The following CYP7B1 variants were observed in gnomAD, a reference collection of about 807,000 sequenced individuals.
CYP7B1 encodes cytochrome P450 7B1.
A neutral mutation model predicts 42.7 loss-of-function variants in CYP7B1; 29 were observed. That is an observed-to-expected ratio of 0.68 (90% CI 0.51 to 0.93). The LOEUF is 0.93. Among genes scored for constraint, CYP7B1 ranks in the 40% least tolerant of loss-of-function variants. The probability of loss-of-function intolerance (pLI) is 0.00; values close to 1 mark genes in which losing one functional copy is unlikely to be tolerated. For synonymous variants in CYP7B1, 235 were observed against 218.2 expected, an observed-to-expected ratio of 1.08 and a Z score of -0.68; for missense variants, 655 against 600.5, an observed-to-expected ratio of 1.09 and a Z score of -0.95.
chr8:64,690,300 G>A (rs1478185529), intron 1 of CYP7B1, among the ~76,000 whole-genome samples: 2 of 152,184 alleles, frequency 1.3e-5, no homozygotes, highest in African/African-American at 4.8e-5. Context: ...CTACTCAGGA[G>A]GATGAAGTAG....
intron 1 of CYP7B1, chr8:64,734,558 T>C (rs1317129481): frequency 6.6e-6 from 1 of 152,206 alleles, no homozygotes; most frequent in Non-Finnish European, 1.5e-5. Context: ...CACCTCCCAA[T>C]GGCCACACCA....
intron 1 of CYP7B1, among the ~76,000 whole-genome samples, chr8:64,715,180 C>T (rs1807136246): frequency 6.6e-6 from 1 of 152,198 alleles, no homozygotes; most frequent in Non-Finnish European, 1.5e-5. Flanking sequence ...AAGTGGGCAT[C>T]TTACTACGTA....
chr8:64,674,697 G>A (rs1009843654), intron 1 of CYP7B1, among the ~76,000 whole-genome samples: 15 of 151,986 alleles, frequency 9.9e-5, no homozygotes, highest in African/African-American at 3.6e-4. Context: ...GAGTCTTTCA[G>A]GGGCACCTAG....
intron 1 of CYP7B1, among the ~76,000 whole-genome samples, chr8:64,793,359 A>G (rs1804652047): frequency 6.6e-6 from 1 of 152,094 alleles, no homozygotes; most frequent in African/African-American, 2.4e-5. Flanking sequence ...ATTTATTTTA[A>G]TTGTTTCAGA....
chr8:64,768,121 G>A (rs763013274), intron 1 of CYP7B1, among the ~76,000 whole-genome samples: 6 of 152,120 alleles, frequency 3.9e-5, no homozygotes, highest in African/African-American at 1.2e-4. Context: ...CTTTAAACAC[G>A]GGGCTTGTAA....
chr8:64,604,983 A>C, intron 4 of CYP7B1, 126 bp from the exon 5 acceptor site: 1 of 1,124,848 alleles, frequency 8.9e-7, no homozygotes. Context: ...CATCACATAC[A>C]TTGAGCACCA....
chr8:64,717,265 T>C (rs1475690723), intron 1 of CYP7B1, among the ~76,000 whole-genome samples: 1 of 152,204 alleles, frequency 6.6e-6, no homozygotes, highest in Non-Finnish European at 1.5e-5. Context: ...ATTTTTTAAC[T>C]GCAGAGGGAA....
intron 1 of CYP7B1, among the ~76,000 whole-genome samples, chr8:64,735,662 G>A (rs374318575): frequency 1.4e-4 from 21 of 152,142 alleles, no homozygotes; most frequent in East Asian, 1.2e-3. Flanking sequence ...CTTTTGTTAC[G>A]GGGAAGGGGG....
chr8:64,746,389 A>T (rs1285123936), intron 1 of CYP7B1, among the ~76,000 whole-genome samples: 1 of 152,182 alleles, frequency 6.6e-6, no homozygotes, highest in Non-Finnish European at 1.5e-5. Flanking sequence ...TTGCAATGAG[A>T]ATAACGCAAG....
Position 64,621,804 on chromosome 8 carries a change from C to T in CYP7B1, c.259+2599G>A, listed in dbSNP as rs575106828. ...AGGCTGGAGTGCAGTGGTACGATCT[C>T]GGCTCACTGCAACCTCCGCCTCCCG... is the stretch of plus-strand genomic sequence containing the variant. On this transcript the variant is annotated intron_variant, in intron 2 of 5. Coordinates refer to ENST00000310193, the MANE Select transcript of CYP7B1 (RefSeq NM_004820.5). Among the ~76,000 whole-genome samples, 12 of 147,170 alleles carry T rather than the reference C, an allele frequency of 8.2e-5. No homozygotes were observed. The East Asian group carries it at 1.0e-3, about 12-fold the overall frequency.
chr8:64,654,567 A>C (rs765074219), intron 1 of CYP7B1, among the ~76,000 whole-genome samples: 2 of 152,222 alleles, frequency 1.3e-5, no homozygotes, highest in African/African-American at 4.8e-5. Context: ...GAATAGGAAG[A>C]ATCAATTTTA....
intron 1 of CYP7B1, among the ~76,000 whole-genome samples, chr8:64,752,833 T>A (rs549835545): frequency 9.2e-5 from 14 of 152,316 alleles, no homozygotes; most frequent in Admixed American, 2.0e-4. Flanking sequence ...TTCTGCACTT[T>A]AATGGCAGCC....
At chr8:64,721,663 C>T (rs4327887) in intron 1 of CYP7B1, among the ~76,000 whole-genome samples, 6,042 of 152,146 alleles carry the variant, frequency 0.04, 398 homozygotes, top group African/African-American at 0.14. Context: ...GTATGACTTA[C>T]AGCCATCCTG....
At chr8:64,687,492 TA>T (rs914519353) in intron 1 of CYP7B1, among the ~76,000 whole-genome samples, 1 of 152,022 alleles carries the variant, frequency 6.6e-6, no homozygotes, top group Non-Finnish European at 1.5e-5. Flanking sequence ...GAAAATGTTC[TA>T]AAAAAAACCT....
chr8:64,722,097 T>C (rs554709493), intron 1 of CYP7B1, among the ~76,000 whole-genome samples: 1 of 152,362 alleles, frequency 6.6e-6, no homozygotes, highest in South Asian at 2.1e-4. Flanking sequence ...ATTAATTTCT[T>C]GTTTAATGAA....
intron 1 of CYP7B1, among the ~76,000 whole-genome samples, chr8:64,678,072 G>A (rs894247021): frequency 6.6e-6 from 1 of 151,968 alleles, no homozygotes; most frequent in Non-Finnish European, 1.5e-5. Flanking sequence ...CTGCCTAAAC[G>A]GGCTGTCCTA....
At chr8:64,691,493 GGT>G (rs1336313698) in intron 1 of CYP7B1, among the ~76,000 whole-genome samples, 1 of 144,044 alleles carries the variant, frequency 6.9e-6, no homozygotes, top group Non-Finnish European at 1.5e-5. Flanking sequence ...GGGGGGGGGG[GGT>G]GGTGGTTAAA....
chr8:64,690,381 C>T (rs945216595), intron 1 of CYP7B1, among the ~76,000 whole-genome samples: 2 of 152,104 alleles, frequency 1.3e-5, no homozygotes, highest in Non-Finnish European at 2.9e-5. Context: ...CCAGCTTGGG[C>T]GATACAGTGA....
At chr8:64,715,688 C>T (rs1807144711) in intron 1 of CYP7B1, among the ~76,000 whole-genome samples, 1 of 151,694 alleles carries the variant, frequency 6.6e-6, no homozygotes, top group Non-Finnish European at 1.5e-5. Context: ...AGAGAACTCA[C>T]TGCCTAACTC....
Sources: allele counts gnomAD v4.1 joint callset (sites outside exome capture counted in the v4.1 genomes callset), GRCh38; gene constraint gnomAD v4.1.1; transcripts MANE v1.5; gene names NCBI Gene and HGNC (gene_info 2026-07-23, HGNC 2026-07-21).